CCSER2: variants seen among roughly 807,000 people sequenced by gnomAD.
The protein encoded by CCSER2 is serine-rich coiled-coil domain-containing protein 2.
A neutral mutation model predicts 92.3 loss-of-function variants in CCSER2; 46 were observed. That is an observed-to-expected ratio of 0.50 (90% CI 0.39 to 0.64). The LOEUF (loss-of-function observed/expected upper bound fraction) is 0.64, where lower values mean the gene tolerates loss of function less well. Among genes scored for constraint, CCSER2 ranks in the 30% least tolerant of loss-of-function variants. The probability of loss-of-function intolerance (pLI) is 0.00; values close to 1 mark genes in which losing one functional copy is unlikely to be tolerated. For missense variants in CCSER2, 1,244 were observed against 1,238.9 expected (o/e 1.00, Z -0.06); for synonymous variants, 433 against 431.4 (o/e 1.00, Z -0.04).
At chr10:84,381,400 C>G (rs1239954085) in intron 3 of CCSER2, among the ~76,000 whole-genome samples, 5 of 152,142 alleles carry the variant, frequency 3.3e-5, no homozygotes, top group Non-Finnish European at 7.4e-5. Context: ...TCTTAGATAA[C>G]CCGCTTGAAA....
At chr10:84,471,760 T>G (rs1846814848) in intron 8 of CCSER2, among the ~76,000 whole-genome samples, 1 of 152,138 alleles carries the variant, frequency 6.6e-6, no homozygotes, top group Non-Finnish European at 1.5e-5. Flanking sequence ...TACATATCAT[T>G]CTAATGTTGG....
chr10:84,349,343 G>A (rs1317649372), intron 1 of CCSER2, among the ~76,000 whole-genome samples: 1 of 152,116 alleles, frequency 6.6e-6, no homozygotes, highest in Non-Finnish European at 1.5e-5. Context: ...ACCCATCACT[G>A]AGTCCTGTAG....
At chr10:84,475,945 A>T (rs1003765184) in intron 8 of CCSER2, among the ~76,000 whole-genome samples, 2 of 151,718 alleles carry the variant, frequency 1.3e-5, no homozygotes, top group Non-Finnish European at 2.9e-5. Flanking sequence ...TGATCCTCTC[A>T]CTCAACCTCC....
intron 1 of CCSER2, among the ~76,000 whole-genome samples, chr10:84,352,892 T>G (rs1240652655): frequency 2.0e-5 from 3 of 152,018 alleles, no homozygotes; most frequent in African/African-American, 7.2e-5. Flanking sequence ...TTAGGTTCAA[T>G]TGACTCTTAT....
chr10:84,457,230 AAATATATTATATATTATATAT>A (rs1564684034), intron 6 of CCSER2, among the ~76,000 whole-genome samples: 1 of 92,854 alleles, frequency 1.1e-5, no homozygotes, highest in Non-Finnish European at 2.1e-5. Flanking sequence ...TATTATATAT[AAATATATTATATATTATATAT>A]TATATAAAAT....
intron 9 of CCSER2, among the ~76,000 whole-genome samples, chr10:84,493,568 A>G (rs772343338): frequency 6.6e-6 from 1 of 152,222 alleles, no homozygotes; most frequent in Admixed American, 6.5e-5. Flanking sequence ...TTATTTCTCA[A>G]TCATATGCTA....
At chr10:84,395,223 TAAAAA>T (rs34500936) in intron 3 of CCSER2, among the ~76,000 whole-genome samples, 1 of 129,388 alleles carries the variant, frequency 7.7e-6, no homozygotes, top group Admixed American at 7.8e-5. Context: ...GACCCTGTCT[TAAAAA>T]AAAAAAAAAA....
At chr10:84,434,532 A>G (rs568991073) in intron 5 of CCSER2, among the ~76,000 whole-genome samples, 19 of 152,208 alleles carry the variant, frequency 1.2e-4, no homozygotes, top group Non-Finnish European at 2.4e-4. Flanking sequence ...AAATACATAG[A>G]TGCAAAGCAA....
chr10:84,372,310 G>T lies in CCSER2; in HGVS notation c.1258G>T (p.Asp420Tyr). The T allele has an allele frequency of 1.2e-6, 2 of 1,612,266 alleles. No homozygotes were observed. The highest frequency in any genetic ancestry group is 8.5e-7 in the Non-Finnish European group (1 of 1,178,990). ...LSEDFSDDFIDIEDSNRTRIT... is the reference protein window; with the variant it reads ...LSEDFSDDFIYIEDSNRTRIT... ...TGAAGACTTTAGTGATGATTTTATA[G>T]ATATAGAAGACTCCAACAGAACTAG... The change falls in exon 2 of 10, where the codon GAT (aspartate) becomes TAT (tyrosine). Residue 420 changes from aspartate to tyrosine, a missense_variant. Coordinates refer to ENST00000372088, the MANE Select transcript of CCSER2 (RefSeq NM_001284240.2).
intron 3 of CCSER2, among the ~76,000 whole-genome samples, chr10:84,376,819 C>T (rs139039524): frequency 1.1e-4 from 17 of 152,130 alleles, no homozygotes; most frequent in Non-Finnish European, 8.8e-5. Flanking sequence ...ATGAACATTC[C>T]GGAAAATTCA....
chr10:84,355,264 C>T (rs1845099631), intron 1 of CCSER2, among the ~76,000 whole-genome samples: 1 of 152,024 alleles, frequency 6.6e-6, no homozygotes, highest in African/African-American at 2.4e-5. Context: ...CTGTATTTTT[C>T]CACTATTCTT....
At chr10:84,482,207 G>A (rs576907813) in intron 9 of CCSER2, among the ~76,000 whole-genome samples, 2 of 152,086 alleles carry the variant, frequency 1.3e-5, no homozygotes, top group Non-Finnish European at 2.9e-5. Context: ...AGAATGAGCC[G>A]TAAGAGCAGA....
chr10:84,391,048 C>A (rs1269196527), intron 3 of CCSER2: 19 of 777,424 alleles, frequency 2.4e-5, no homozygotes, highest in Admixed American at 5.1e-5. Flanking sequence ...TTCAGTAGGA[C>A]ATCATTCAAA....
chr10:84,393,468 C>CT (rs551823628), intron 3 of CCSER2, among the ~76,000 whole-genome samples: 305 of 151,376 alleles, frequency 2.0e-3, no homozygotes, highest in Middle Eastern at 6.8e-3. Flanking sequence ...TCTAAGCTTT[C>CT]TTTTTTTTTG....
chr10:84,347,651 A>G (rs1258362369), intron 1 of CCSER2, among the ~76,000 whole-genome samples: 1 of 147,232 alleles, frequency 6.8e-6, no homozygotes, highest in Non-Finnish European at 1.5e-5. Context: ...GACGCTCCTG[A>G]CTTCCCAGAC....
Position 84,373,725 on chromosome 10 carries a change from T to G in CCSER2, c.1524T>G (p.Asp508Glu). Reference protein sequence around the residue: ...SFELSPSDSSDGTYMWDEEGL... With the variant: ...SFELSPSDSSEGTYMWDEEGL... ...AACTCTCTCCATCTGATAGCTCTGA[T>G]GGAACATACATGTGGGATGAAGAAG... Residue 508 changes from aspartate (D) to glutamate (E), a missense_variant, in exon 3 of 10, where the codon GAT becomes GAG. Asp to Glu is a conservative substitution (Grantham distance 45, BLOSUM62 2). Coordinates refer to ENST00000372088, the MANE Select transcript of CCSER2 (RefSeq NM_001284240.2). The G allele has an allele frequency of 7.4e-6, 12 of 1,613,790 alleles. No individual in the cohort carries two copies. The highest frequency in any genetic ancestry group is 1.3e-5 in the African/African-American group (1 of 75,016).
intron 1 of CCSER2, among the ~76,000 whole-genome samples, chr10:84,368,982 A>G (rs1021354762): frequency 6.6e-6 from 1 of 152,114 alleles, no homozygotes; most frequent in African/African-American, 2.4e-5. Flanking sequence ...AATGGCCTCC[A>G]TCTCCATCCA....
chr10:84,457,329 AATATATT>A lies in CCSER2; in HGVS notation c.2065-6590_2065-6584del, dbSNP rs1564685117. ...ATGTTATATATAATATATTATATAT[AATATATT>A]ATATATTATATATAATATATATATT... On this transcript the variant is annotated intron_variant, in intron 6 of 9. Transcript: ENST00000372088. 1.1e-4 allele frequency among the ~76,000 whole-genome samples: 6 copies of A among 53,126 alleles called. No individual in the cohort carries two copies. In the South Asian group the frequency reaches 1.7e-3, roughly 15 times the overall value. The allele number at this position is 53,126 out of a possible 152,430, so 34.9% of individuals were successfully genotyped here. A position where few individuals can be genotyped will look rare whatever the true frequency, so the allele number is the denominator to read the frequency against.
chr10:84,371,490 A>ATCT lies in CCSER2; in HGVS notation c.439_441dup (p.Ser147dup). On this transcript the variant is annotated inframe_insertion, in exon 2 of 10. Transcript: ENST00000372088. ...TAAACCAAAAGTCTTTTTCTGGACCATCTAATTTGGGTAAATTCACCAAAG... is the reference window on the plus strand; with the variant it reads ...TAAACCAAAAGTCTTTTTCTGGACCATCTTCTAATTTGGGTAAATTCACCAAAG... 6.2e-7 allele frequency: 1 copy of ATCT among 1,613,908 alleles called. No individual in the cohort carries two copies. The highest frequency in any genetic ancestry group is 1.6e-4 in the Middle Eastern group (1 of 6,062).
Sources: allele counts gnomAD v4.1 joint callset (sites outside exome capture counted in the v4.1 genomes callset), GRCh38; gene constraint gnomAD v4.1.1; transcripts MANE v1.5; gene names NCBI Gene and HGNC (gene_info 2026-07-23, HGNC 2026-07-21).